Variants in IZUMO3 observed in about 807,000 individuals in gnomAD.
The protein encoded by IZUMO3 is IZUMO family member 3.
Under a neutral mutation model 28.4 loss-of-function variants are expected in IZUMO3, and 36 were observed. That is an observed-to-expected ratio of 1.27 (90% CI 0.97 to 1.67). The LOEUF (loss-of-function observed/expected upper bound fraction) is 1.67, where lower values mean the gene tolerates loss of function less well. Among genes scored for constraint, IZUMO3 ranks in the 40% most tolerant of loss-of-function variants. The probability of loss-of-function intolerance (pLI) is 0.00; values close to 1 mark genes in which losing one functional copy is unlikely to be tolerated. For missense variants in IZUMO3, 387 were observed against 278.5 expected, an observed-to-expected ratio of 1.39 and a Z score of -2.77; for synonymous variants, 126 against 99.2, an observed-to-expected ratio of 1.27 and a Z score of -1.61.
At chr9:24,543,858 T>TTTAC (rs1819519130) in intron 5 of IZUMO3, 104 bp from the exon 6 acceptor site, 1 of 746,076 alleles carries the variant, frequency 1.3e-6, no homozygotes, top group African/African-American at 1.7e-5. Flanking sequence ...GTTTGCCCTG[T>TTTAC]TTACTACTTC....
rs1819515746 is a variant in IZUMO3, at chr9:24,543,732, C to T, written c.513G>A (p.Glu171=). ...YCGDEDPRKA[E]NREIALFLIL... is the part of the protein sequence containing the mutation. ...TGAGAAATAGAGCAATCTCTCGATTCTCAGCCTTTCTTGGATCCTCGTCTG... is the reference window on the plus strand; with the variant it reads ...TGAGAAATAGAGCAATCTCTCGATTTTCAGCCTTTCTTGGATCCTCGTCTG... The change falls in exon 6 of 7, where the codon GAG becomes GAA. Residue 171 remains glutamate (E), a synonymous_variant. Transcript: ENST00000543880. 2 of 1,549,114 alleles carry T rather than the reference C, an allele frequency of 1.3e-6. No individual in the cohort carries two copies. Among genetic ancestry groups the T allele is most frequent in the African/African-American group, 1.4e-5 (1 of 72,972 alleles).
At position 24,543,675 on chromosome 9, in the gene IZUMO3, A is replaced by G; in HGVS notation, c.570T>C (p.Ser190=). ...GAGAAGAAACTCACAGTAACACAGC[A>G]CTTCCCAGTATTACAGCTGTTGCCA... The part of the protein sequence containing the change: ...ILLATAVILG[S]AVLLFHFCIF... The change falls in exon 6 of 7, where the codon AGT becomes AGC. Residue 190 remains serine, a synonymous_variant. Coordinates refer to ENST00000543880, the MANE Select transcript of IZUMO3 (RefSeq NM_001365008.2). The G allele has an allele frequency of 1.3e-6, 2 of 1,544,350 alleles. No homozygotes were observed. Among genetic ancestry groups the G allele is most frequent in the Non-Finnish European group, 1.8e-6 (2 of 1,141,624 alleles).
In IZUMO3 at chr9:24,543,632, A is replaced by G. The variant is rs182065033; in HGVS notation, c.581+32T>C. The G allele has an allele frequency of 2.2e-4, 315 of 1,417,720 alleles. 1 individual carries two copies. The East Asian group carries it at 5.3e-3, about 24-fold the overall frequency. The allele number at this position is 1,417,720 out of a possible 1,614,324, so 87.8% of individuals were successfully genotyped here. On this transcript the variant is annotated intron_variant, in intron 6 of 6. Coordinates refer to ENST00000543880, the MANE Select transcript of IZUMO3 (RefSeq NM_001365008.2). ...AGTCTCTTGGCAAAAGGAATATTTGACCCAGTGTTTATTTGGAGAGAAGAA... is the reference window on the plus strand; with the variant it reads ...AGTCTCTTGGCAAAAGGAATATTTGGCCCAGTGTTTATTTGGAGAGAAGAA...
Position 24,543,269 on chromosome 9 carries a change from A to C in IZUMO3, c.680T>G (p.Ile227Arg). The C allele has an allele frequency of 6.5e-7, 1 of 1,547,804 alleles. No individual in the cohort carries two copies. Among genetic ancestry groups the C allele is most frequent in the South Asian group, 1.2e-5 (1 of 83,870 alleles). Residue 227 changes from isoleucine to arginine, a missense_variant, in exon 7 of 7, where the codon ATA (isoleucine) becomes AGA (arginine). Ile to Arg is a moderately conservative substitution (Grantham distance 97). Coordinates refer to ENST00000543880, the MANE Select transcript of IZUMO3 (RefSeq NM_001365008.2). Reference protein sequence around the residue: ...EKKLEELMGKIDEKEEKDFRL... With the variant: ...EKKLEELMGKRDEKEEKDFRL... ...AAAGTCTTTCTCCTCCTTCTCATCT[A>C]TCTTCCCCATTAATTCTTCAAGTTT... is the stretch of plus-strand genomic sequence containing the variant.
At position 24,544,868 on chromosome 9, in the gene IZUMO3, C is replaced by T. The variant is rs973236863; in HGVS notation, c.391+104G>A. The T allele has an allele frequency of 3.8e-6, 5 of 1,327,034 alleles. No homozygotes were observed. In the Admixed American group the frequency reaches 9.9e-5, roughly 26 times the overall value. The allele number at this position is 1,327,034 out of a possible 1,614,324, so 82.2% of individuals were successfully genotyped here. On this transcript the variant is annotated intron_variant, in intron 3 of 6. Coordinates refer to ENST00000543880, the MANE Select transcript of IZUMO3 (RefSeq NM_001365008.2). ...CTTTAAGTTCCAGTTACCTCTCCAC[C>T]CATTCTAAATAACTCTATTATGAAC...
At position 24,544,371 on chromosome 9, in the gene IZUMO3, A is replaced by C. The variant is rs192840634; in HGVS notation, c.410-90T>G. 18 of 917,092 alleles carry C rather than the reference A, an allele frequency of 2.0e-5. 1 individual carries two copies. The highest frequency in any genetic ancestry group is 1.8e-4 in the African/African-American group (11 of 60,842). The allele number at this position is 917,092 out of a possible 1,614,324, so 56.8% of individuals were successfully genotyped here. A position where few individuals can be genotyped will look rare whatever the true frequency, so the allele number is the denominator to read the frequency against. ...ATCAAGTGTGGAGGATTTGATCTCA[A>C]GCATTCCCAGGACTCTCAAGTTTGC... On this transcript the variant is annotated intron_variant, in intron 4 of 6. Transcript: ENST00000543880.
Position 24,545,280 on chromosome 9 carries a change from T to C in IZUMO3, c.233A>G (p.Gln78Arg). The change falls in exon 2 of 7, where the codon CAG (glutamine) becomes CGG (arginine). Residue 78 changes from glutamine to arginine, a missense_variant. Coordinates refer to ENST00000543880, the MANE Select transcript of IZUMO3 (RefSeq NM_001365008.2). The part of the protein sequence containing the change: ...SDKRLRVLAV[Q>R]QVVKLRTWLK... ...CCATGTTCTCAACTTAACAACCTGC[T>C]GAACAGCTAGAGAGGGAGAGTAAAG... The C allele has an allele frequency of 1.9e-6, 3 of 1,550,274 alleles. No homozygotes were observed. Among genetic ancestry groups the C allele is most frequent in the Non-Finnish European group, 2.6e-6 (3 of 1,146,746 alleles).
chr9:24,543,193 A>G lies in IZUMO3; in HGVS notation c.*36T>C. 6.6e-7 allele frequency: 1 copy of G among 1,509,724 alleles called. No homozygotes were observed. Among genetic ancestry groups the G allele is most frequent in the Non-Finnish European group, 8.9e-7 (1 of 1,125,228 alleles). 93.5% of individuals were successfully genotyped at this position (1,509,724 alleles called of 1,614,324 possible). On this transcript the variant is annotated 3_prime_UTR_variant, in exon 7 of 7. Transcript: ENST00000543880. ...TTTGTACTTAGAGTCAACACTTAAGAGAATCATGAAAGACTTCTTGTCCAT... is the reference window on the plus strand; with the variant it reads ...TTTGTACTTAGAGTCAACACTTAAGGGAATCATGAAAGACTTCTTGTCCAT...
Position 24,543,768 on chromosome 9 carries a change from C to T in IZUMO3, c.491-14G>A. 1 of 1,505,452 alleles carries T rather than the reference C, an allele frequency of 6.6e-7. No homozygotes were observed. Among genetic ancestry groups the T allele is most frequent in the Non-Finnish European group, 9.0e-7 (1 of 1,106,634 alleles). The allele number at this position is 1,505,452 out of a possible 1,614,324, so 93.3% of individuals were successfully genotyped here. ...TTGGATCCTCGTCTGGAAGGAGAAACAGGAAAATATGAAAGTGAGTTTTGG... is the reference window on the plus strand; with the variant it reads ...TTGGATCCTCGTCTGGAAGGAGAAATAGGAAAATATGAAAGTGAGTTTTGG... On this transcript the variant is annotated splice_polypyrimidine_tract_variant and intron_variant, in intron 5 of 6. Coordinates refer to ENST00000543880, the MANE Select transcript of IZUMO3 (RefSeq NM_001365008.2).
At position 24,545,891 on chromosome 9, in the gene IZUMO3, G is replaced by A; in HGVS notation, c.-242C>T. ...ACTGCCAGCTGGGGAGCGGATACCT[G>A]AGTTCTGAGTGTAGAACACCAAGAG... On this transcript the variant is annotated 5_prime_UTR_variant, in exon 1 of 7. Coordinates refer to ENST00000543880, the MANE Select transcript of IZUMO3 (RefSeq NM_001365008.2). 6.7e-7 allele frequency: 1 copy of A among 1,486,220 alleles called. No homozygotes were observed. The highest frequency in any genetic ancestry group is 9.0e-7 in the Non-Finnish European group (1 of 1,107,232). 92.1% of individuals were successfully genotyped at this position (1,486,220 alleles called of 1,614,324 possible).
chr9:24,544,160 A>C (rs1819525915), intron 5 of IZUMO3, 41 bp downstream of exon 5: 1 of 1,364,014 alleles, frequency 7.3e-7, no homozygotes, highest in Non-Finnish European at 1.0e-6. Context: ...CTGCTCCTTA[A>C]TCCCTGTCCC....
rs1475796355 is a variant in IZUMO3 at position 24,545,011 on chromosome 9, A to G, written c.352T>C (p.Ser118Pro). 3 of 1,550,568 alleles carry G rather than the reference A, an allele frequency of 1.9e-6. No homozygotes were observed. Among genetic ancestry groups the G allele is most frequent in the Admixed American group, 2.0e-5 (1 of 50,974 alleles). The change falls in exon 3 of 7, where the codon TCC (serine) becomes CCC (proline). Residue 118 changes from serine (S) to proline (P), a missense_variant. Transcript: ENST00000543880. The stretch of plus-strand genomic sequence containing the variant: ...TTCTTTAGTAATTCTTTCAGTTTGG[A>G]TTCCAGGTTTTGGCAGACATCGAGA... The part of the protein sequence containing the change: ...KLLDVCQNLE[S>P]KLKELLKNFS...
In IZUMO3 at chr9:24,545,763, A is replaced by G; in HGVS notation, c.-114T>C. 6.5e-7 allele frequency: 1 copy of G among 1,533,676 alleles called. No individual in the cohort carries two copies. ...GCCTGGTTCTGGATAGTCTGACTCC[A>G]CTTTTCCCGCTGTTTCCATCCCACT... On this transcript the variant is annotated 5_prime_UTR_variant, in exon 1 of 7. Coordinates refer to ENST00000543880, the MANE Select transcript of IZUMO3 (RefSeq NM_001365008.2).
chr9:24,544,785 A>G (rs1349884895), intron 3 of IZUMO3, 25 bp from the exon 4 acceptor site: 10 of 1,549,386 alleles, frequency 6.5e-6, no homozygotes, highest in South Asian at 1.2e-5. Flanking sequence ...GAAAGTTCTA[A>G]TGAGTTTAAA....
rs41313458 is a variant in IZUMO3 at position 24,544,708 on chromosome 9, C to T, written c.409+35G>A. ...AGCAAAGGAGATGGGAAAATATGGG[C>T]TGAAACCTCAAGGCGTCACATGTAC... On this transcript the variant is annotated intron_variant, in intron 4 of 6. Coordinates refer to ENST00000543880, the MANE Select transcript of IZUMO3 (RefSeq NM_001365008.2). 1,320 of 1,544,386 alleles carry T rather than the reference C, an allele frequency of 8.5e-4. 4 individuals carry two copies. The highest frequency in any genetic ancestry group is 1.8e-3 in the South Asian group (147 of 83,872).
rs780136955 is a variant in IZUMO3 at position 24,542,953 on chromosome 9, C to T, written c.*276G>A. On this transcript the variant is annotated 3_prime_UTR_variant, in exon 7 of 7. Coordinates refer to ENST00000543880, the MANE Select transcript of IZUMO3 (RefSeq NM_001365008.2). ...TACAGCCATTAATCAGAGTTACTAACGATGCATTATTTATTACTATCCAGC... is the reference window on the plus strand; with the variant it reads ...TACAGCCATTAATCAGAGTTACTAATGATGCATTATTTATTACTATCCAGC... 3.7e-5 allele frequency: 9 copies of T among 242,748 alleles called. No homozygotes were observed. Among genetic ancestry groups the T allele is most frequent in the East Asian group, 8.1e-5 (1 of 12,360 alleles). 15.0% of individuals were successfully genotyped at this position (242,748 alleles called of 1,614,324 possible).
At chr9:24,544,683 A>T (rs1197465299) in intron 4 of IZUMO3, 60 bp downstream of exon 4, 15 of 1,461,444 alleles carry the variant, frequency 1.0e-5, no homozygotes, top group Non-Finnish European at 7.5e-6. Flanking sequence ...GGCCATATAG[A>T]GCAAAGGAGA....
Position 24,544,956 on chromosome 9 carries a change from A to G in IZUMO3, c.391+16T>C, listed in dbSNP as rs766256600. 6.6e-7 allele frequency: 1 copy of G among 1,517,936 alleles called. No homozygotes were observed. Among genetic ancestry groups the G allele is most frequent in the Middle Eastern group, 1.7e-4 (1 of 5,932 alleles). The allele number at this position is 1,517,936 out of a possible 1,614,324, so 94.0% of individuals were successfully genotyped here. The stretch of plus-strand genomic sequence containing the variant: ...TCATATAACTTCAGTGCTGTTATAT[A>G]GAAAGTTTTACTTACCAATTTCAGA... On this transcript the variant is annotated intron_variant, in intron 3 of 6. Transcript: ENST00000543880.
chr9:24,544,542 T>C (rs758724443), intron 4 of IZUMO3, among the ~76,000 whole-genome samples: 7 of 152,172 alleles, frequency 4.6e-5, no homozygotes, highest in Non-Finnish European at 8.8e-5. Context: ...GAAGGCCTCC[T>C]AGTACCTCAA....
Sources: allele counts gnomAD v4.1 joint callset (sites outside exome capture counted in the v4.1 genomes callset), GRCh38; gene constraint gnomAD v4.1.1; transcripts MANE v1.5; gene names NCBI Gene and HGNC (gene_info 2026-07-23, HGNC 2026-07-21).